The following ADK variants were observed in gnomAD, a reference collection of about 807,000 sequenced individuals.
ADK encodes N6,N6-dimethyladenosine kinase.
ADK carries 24 observed loss-of-function variants against 44.7 expected under a neutral mutation model. The ratio of observed to expected loss-of-function variants is 0.54; its 90% CI spans 0.39 to 0.76. The LOEUF (loss-of-function observed/expected upper bound fraction) is 0.76. Ranked by LOEUF, ADK falls within the 30% of genes least tolerant of loss-of-function variation. The pLI is 0.00. For missense variants in ADK, 321 were observed against 425.1 expected (o/e 0.76, Z 2.15); for synonymous variants, 128 against 142.6 (o/e 0.90, Z 0.73).
At chr10:74,300,300 TTCCTTCCTTCTTTCCTTCCTTCCTTC>T (rs1839975091) in intron 3 of ADK, among the ~76,000 whole-genome samples, 1 of 82,952 alleles carries the variant, frequency 1.2e-5, no homozygotes, top group South Asian at 4.2e-4. Context: ...CCTTCCTTCC[TTCCTTCCTTCTTTCCTTCCTTCCTTC>T]CTTCCTTCCT....
chr10:74,165,616 G>A (rs1021654504), intron 1 of ADK, among the ~76,000 whole-genome samples: 1 of 151,904 alleles, frequency 6.6e-6, no homozygotes, highest in African/African-American at 2.4e-5. Context: ...ACCCCCGAGA[G>A]GTTAAGAGTC....
intron 4 of ADK, chr10:74,372,477 G>GT (rs1440059862): frequency 6.4e-6 from 2 of 313,440 alleles, no homozygotes; most frequent in Admixed American, 5.4e-5. Flanking sequence ...ATAAATGTCA[G>GT]TTTAAAAAAA....
intron 6 of ADK, among the ~76,000 whole-genome samples, chr10:74,410,920 A>G (rs1844153707): frequency 6.6e-6 from 1 of 152,164 alleles, no homozygotes; most frequent in Non-Finnish European, 1.5e-5. Context: ...TTTGGAATTT[A>G]TTAATTTATA....
chr10:74,629,290 G>C (rs914460062), intron 9 of ADK, among the ~76,000 whole-genome samples: 34 of 152,192 alleles, frequency 2.2e-4, no homozygotes, highest in African/African-American at 7.9e-4. Context: ...TTGGCCTCCT[G>C]AGTCACTGGG....
At chr10:74,213,894 A>G (rs559855825) in intron 2 of ADK, among the ~76,000 whole-genome samples, 2 of 152,364 alleles carry the variant, frequency 1.3e-5, no homozygotes, top group Non-Finnish European at 1.5e-5. Flanking sequence ...AGTGATATCA[A>G]TATCTTCCAA....
chr10:74,591,651 T>G (rs1851725021), intron 8 of ADK, among the ~76,000 whole-genome samples: 1 of 152,230 alleles, frequency 6.6e-6, no homozygotes, highest in African/African-American at 2.4e-5. Flanking sequence ...CACTTTATCT[T>G]AATAGTTTTC....
rs1214408955 is a variant in ADK at position 74,694,882 on chromosome 10, A to G, written c.965-13439A>G. On this transcript the variant is annotated intron_variant, in intron 10 of 10. Transcript: ENST00000539909. ...TTTTCTACCTCTAGGACATAAAGAT[A>G]TTTTTTATTTTCTTCTAAAAGTCTT... 2.7e-5 allele frequency among the ~76,000 whole-genome samples: 4 copies of G among 150,740 alleles called. 1 individual carries two copies. Among genetic ancestry groups the G allele is most frequent in the Non-Finnish European group, 5.9e-5 (4 of 67,774 alleles).
At chr10:74,637,848 G>T (rs549426817) in intron 9 of ADK, among the ~76,000 whole-genome samples, 2 of 152,312 alleles carry the variant, frequency 1.3e-5, no homozygotes, top group South Asian at 2.1e-4. Flanking sequence ...GACACATGAA[G>T]AAACTTTTAG....
intron 4 of ADK, among the ~76,000 whole-genome samples, chr10:74,361,897 G>T (rs1047377181): frequency 2.0e-5 from 3 of 152,116 alleles, no homozygotes; most frequent in African/African-American, 7.2e-5. Flanking sequence ...CATTTTCCTG[G>T]CTTATAAGGT....
rs940444034 is a variant in ADK at position 74,468,545 on chromosome 10, G to C, written c.556-56711G>C. Among the ~76,000 whole-genome samples, 10 of 152,166 alleles carry C rather than the reference G, an allele frequency of 6.6e-5. 1 individual carries two copies. In the East Asian group the frequency reaches 9.6e-4, roughly 15 times the overall value. The stretch of plus-strand genomic sequence containing the variant: ...AGGAGTCAGTATGATGTGCTGGATA[G>C]AGCATTAGATGGCAAATTGGGCCTC... On this transcript the variant is annotated intron_variant, in intron 6 of 10. Coordinates refer to ENST00000539909, the MANE Select transcript of ADK (RefSeq NM_006721.4).
intron 9 of ADK, among the ~76,000 whole-genome samples, chr10:74,609,910 C>T (rs1852479636): frequency 6.6e-6 from 1 of 152,046 alleles, no homozygotes; most frequent in African/African-American, 2.4e-5. Flanking sequence ...TGGGTCATAC[C>T]TCTTTCAGAT....
At chr10:74,655,184 C>A in intron 9 of ADK, 1 of 311,730 alleles carries the variant, frequency 3.2e-6, no homozygotes, top group Non-Finnish European at 6.3e-6. Context: ...AAGTAACCGT[C>A]AAGAAGGAGA....
At chr10:74,272,238 A>G (rs191326971) in intron 3 of ADK, among the ~76,000 whole-genome samples, 1 of 151,736 alleles carries the variant, frequency 6.6e-6, no homozygotes, top group African/African-American at 2.4e-5. Context: ...GATTTAATTT[A>G]TTTAAATACT....
intron 6 of ADK, among the ~76,000 whole-genome samples, chr10:74,459,924 C>T (rs1450226452): frequency 6.6e-6 from 1 of 152,094 alleles, no homozygotes; most frequent in Admixed American, 6.5e-5. Flanking sequence ...TGTGTTCCCA[C>T]CCCAACCCAA....
chr10:74,179,397 A>G (rs1330216811), intron 1 of ADK, among the ~76,000 whole-genome samples: 5 of 152,162 alleles, frequency 3.3e-5, no homozygotes, highest in Admixed American at 6.6e-5. Context: ...AGGCATTCTT[A>G]GTCACAGGAT....
chr10:74,263,188 C>T (rs930797223), intron 3 of ADK, among the ~76,000 whole-genome samples: 1 of 152,076 alleles, frequency 6.6e-6, no homozygotes, highest in Non-Finnish European at 1.5e-5. Context: ...AATTTGATGT[C>T]GAAAGCCATA....
intron 6 of ADK, among the ~76,000 whole-genome samples, chr10:74,429,191 T>C (rs547472192): frequency 1.8e-4 from 27 of 152,316 alleles, no homozygotes; most frequent in Middle Eastern, 3.4e-3. Flanking sequence ...AGACTAATAG[T>C]GGAGAGTCAT....
At chr10:74,551,647 G>A (rs1270855996) in intron 7 of ADK, among the ~76,000 whole-genome samples, 3 of 152,108 alleles carry the variant, frequency 2.0e-5, no homozygotes, top group Non-Finnish European at 4.4e-5. Context: ...AAATATGTTT[G>A]TACATAATTT....
At chr10:74,424,912 A>G (rs890891322) in intron 6 of ADK, among the ~76,000 whole-genome samples, 19 of 152,106 alleles carry the variant, frequency 1.2e-4, no homozygotes, top group Non-Finnish European at 1.5e-5. Context: ...TCATATATAC[A>G]ATCCTCTTGT....
Sources: gnomAD v4.1 joint callset for allele counts (sites outside exome capture counted in the v4.1 genomes callset) on GRCh38, gnomAD v4.1.1 for gene constraint, MANE v1.5 for transcripts, NCBI Gene and HGNC (gene_info 2026-07-23, HGNC 2026-07-21) for gene names.